BMPR1B: variants seen among roughly 807,000 people sequenced by gnomAD.
BMPR1B encodes the protein bone morphogenetic protein receptor type 1B.
BMPR1B carries 12 observed loss-of-function variants against 59.1 expected under a neutral mutation model. The observed-to-expected ratio is 0.20, with a 90% CI of 0.13 to 0.33. The LOEUF (loss-of-function observed/expected upper bound fraction) is 0.33. Among genes scored for constraint, BMPR1B ranks in the 10% least tolerant of loss-of-function variants. The pLI, the probability that BMPR1B is intolerant of heterozygous loss-of-function variation, is 1.00. For missense variants in BMPR1B, 550 were observed against 610.9 expected, an observed-to-expected ratio of 0.90 and a Z score of 1.05; for synonymous variants, 237 against 207.3, an observed-to-expected ratio of 1.14 and a Z score of -1.23.
intron 2 of BMPR1B, among the ~76,000 whole-genome samples, chr4:94,964,848 C>T (rs565891808): frequency 1.1e-3 from 166 of 152,214 alleles, no homozygotes; most frequent in African/African-American, 3.8e-3. Flanking sequence ...TTTCAGTGTT[C>T]CCTTCTAGCT....
At chr4:95,085,306 C>T (rs1270470593) in intron 3 of BMPR1B, among the ~76,000 whole-genome samples, 1 of 152,024 alleles carries the variant, frequency 6.6e-6, no homozygotes, top group Non-Finnish European at 1.5e-5. Context: ...CCTGAGACAG[C>T]AAGCAAGGAT....
At chr4:94,908,074 A>G (rs1728119918) in intron 2 of BMPR1B, among the ~76,000 whole-genome samples, 2 of 129,328 alleles carry the variant, frequency 1.5e-5, no homozygotes, top group Non-Finnish European at 3.2e-5. Flanking sequence ...AAAAAAAAAA[A>G]AAAAAAAAAA....
rs763144778 is a variant in BMPR1B, at chr4:95,130,047, C to T, written c.771C>T (p.Asn257=). ...AGACAGTGTTGATGAGGCATGAAAA[C>T]ATTTTGGGTGAGTAAAAGTCTGCAT... ...IYQTVLMRHE[N]ILGFIAADIK... is the part of the protein sequence containing the mutation. The change falls in exon 9 of 13, where the codon AAC becomes AAT. Residue 257 remains asparagine, a synonymous_variant. Transcript: ENST00000515059. The T allele has an allele frequency of 1.1e-5, 17 of 1,613,782 alleles. No homozygotes were observed. In the South Asian group the frequency reaches 1.1e-4, roughly 10 times the overall value.
At chr4:94,830,156 A>G (rs1040634120) in intron 1 of BMPR1B, among the ~76,000 whole-genome samples, 14 of 152,130 alleles carry the variant, frequency 9.2e-5, no homozygotes, top group Non-Finnish European at 4.4e-5. Context: ...TGTTACAGTA[A>G]ATTTTCTTAG....
At chr4:94,863,285 A>G (rs1293074187) in intron 1 of BMPR1B, among the ~76,000 whole-genome samples, 2 of 152,162 alleles carry the variant, frequency 1.3e-5, no homozygotes, top group African/African-American at 2.4e-5. Context: ...ACGACACACA[A>G]TTTATCTATA....
At chr4:95,083,052 A>AAAG (rs1258444702) in intron 3 of BMPR1B, among the ~76,000 whole-genome samples, 4 of 150,800 alleles carry the variant, frequency 2.7e-5, no homozygotes, top group Non-Finnish European at 5.9e-5. Context: ...AAAAAAAAAA[A>AAAG]AAAAAAAAGA....
chr4:95,153,577 T>C (rs928838969), intron 12 of BMPR1B, among the ~76,000 whole-genome samples: 1 of 152,170 alleles, frequency 6.6e-6, no homozygotes, highest in South Asian at 2.1e-4. Flanking sequence ...GGCCGGGCAC[T>C]GTGGCTCACA....
chr4:94,927,055 A>T (rs192670707), intron 2 of BMPR1B, among the ~76,000 whole-genome samples: 2 of 152,186 alleles, frequency 1.3e-5, no homozygotes, highest in Non-Finnish European at 2.9e-5. Context: ...TTTGCTAACA[A>T]TAACTGGTGA....
At chr4:94,854,489 A>C (rs531868553) in intron 1 of BMPR1B, among the ~76,000 whole-genome samples, 2 of 152,200 alleles carry the variant, frequency 1.3e-5, no homozygotes, top group Admixed American at 1.3e-4. Context: ...GATAACGGTG[A>C]CAAGGCTCTG....
At chr4:95,026,114 C>CTTTCTTTCTTTCTTTCTTTT (rs1724365368) in intron 3 of BMPR1B, among the ~76,000 whole-genome samples, 2 of 142,508 alleles carry the variant, frequency 1.4e-5, no homozygotes, top group African/African-American at 5.4e-5. Flanking sequence ...TTCTTTCTTT[C>CTTTCTTTCTTTCTTTCTTTT]TTTCTTTCTT....
intron 1 of BMPR1B, among the ~76,000 whole-genome samples, chr4:94,843,065 A>G (rs998197271): frequency 1.1e-4 from 16 of 152,156 alleles, no homozygotes; most frequent in Non-Finnish European, 1.8e-4. Context: ...AATGTTTAAA[A>G]CATATAATTG....
chr4:95,125,460 T>TA (rs1479765636), intron 8 of BMPR1B, among the ~76,000 whole-genome samples: 1 of 152,180 alleles, frequency 6.6e-6, no homozygotes, highest in Non-Finnish European at 1.5e-5. Flanking sequence ...GCTAAAGTAT[T>TA]ACAACCAACT....
At chr4:94,786,783 ATC>A (rs1269312808) in intron 1 of BMPR1B, among the ~76,000 whole-genome samples, 1 of 151,850 alleles carries the variant, frequency 6.6e-6, no homozygotes, top group Non-Finnish European at 1.5e-5. Context: ...TGACCTCGTG[ATC>A]CACCCGCCTT....
At chr4:95,020,748 C>T (rs1236066392) in intron 3 of BMPR1B, among the ~76,000 whole-genome samples, 2 of 152,116 alleles carry the variant, frequency 1.3e-5, no homozygotes, top group Admixed American at 6.6e-5. Flanking sequence ...GGCTAGAGTA[C>T]AGTGGCACGA....
In BMPR1B at chr4:95,152,444, T is replaced by C. The variant is rs545402592; in HGVS notation, c.1253-199T>C. The stretch of plus-strand genomic sequence containing the variant: ...TGAAGACCTATGACAATATTTTTCA[T>C]TGGGCTTTGTATTCATTTTTTCTAA... On this transcript the variant is annotated intron_variant, in intron 11 of 12. Transcript: ENST00000515059. Among the ~76,000 whole-genome samples the C allele has an allele frequency of 3.2e-4, 49 of 152,324 alleles. No individual in the cohort carries two copies. In the South Asian group the frequency reaches 9.1e-3, roughly 28 times the overall value.
intron 2 of BMPR1B, among the ~76,000 whole-genome samples, chr4:94,926,078 C>G (rs1432752045): frequency 2.1e-5 from 2 of 96,144 alleles, no homozygotes; most frequent in African/African-American, 8.3e-5. Context: ...CCTCCCGTCT[C>G]CCTCCCCTTC....
intron 2 of BMPR1B, among the ~76,000 whole-genome samples, chr4:94,952,863 A>T (rs1178377669): frequency 6.6e-6 from 1 of 152,152 alleles, no homozygotes; most frequent in African/African-American, 2.4e-5. Flanking sequence ...GTGTGGTGTT[A>T]AACTCTGCCA....
intron 2 of BMPR1B, among the ~76,000 whole-genome samples, chr4:94,899,432 TAC>T (rs1487397025): frequency 5.3e-5 from 8 of 149,548 alleles, no homozygotes; most frequent in Admixed American, 1.3e-4. Flanking sequence ...TGTATATATA[TAC>T]ACACACACAT....
At chr4:94,891,258 G>A (rs1038980652) in intron 2 of BMPR1B, among the ~76,000 whole-genome samples, 1 of 151,948 alleles carries the variant, frequency 6.6e-6, no homozygotes. Flanking sequence ...CAGAGATAAA[G>A]CAATAAAACT....
Sources: gnomAD v4.1 joint callset for allele counts (sites outside exome capture counted in the v4.1 genomes callset) on GRCh38, gnomAD v4.1.1 for gene constraint, MANE v1.5 for transcripts, NCBI Gene and HGNC (gene_info 2026-07-23, HGNC 2026-07-21) for gene names.